The following MAGI3 variants were observed in gnomAD, a reference collection of about 807,000 sequenced individuals.
MAGI3 encodes membrane associated guanylate kinase, WW and PDZ domain containing 3, also known as membrane-associated guanylate kinase, WW and PDZ domain-containing protein 3.
MAGI3 carries 43 observed loss-of-function variants against 121.8 expected under a neutral mutation model. The ratio of observed to expected loss-of-function variants is 0.35; its 90% confidence interval spans 0.28 to 0.46. MAGI3 has a LOEUF of 0.46. Ranked by LOEUF, MAGI3 falls within the 20% of genes least tolerant of loss-of-function variation. MAGI3 has a pLI of 1.00. For missense variants in MAGI3, 1,547 were observed against 1,797.3 expected (o/e 0.86, Z 2.52); for synonymous variants, 553 against 639.3 (o/e 0.86, Z 2.04).
At chr1:113,632,907 T>A (rs1164864755) in intron 9 of MAGI3, among the ~76,000 whole-genome samples, 7 of 151,938 alleles carry the variant, frequency 4.6e-5, no homozygotes, top group South Asian at 2.1e-4. Flanking sequence ...TAGTTTTTTT[T>A]TTATTATTAT....
intron 1 of MAGI3, among the ~76,000 whole-genome samples, chr1:113,456,420 C>T (rs540635191): frequency 6.7e-4 from 102 of 152,210 alleles, no homozygotes; most frequent in African/African-American, 2.2e-3. Flanking sequence ...TACCCATATA[C>T]ATATAGAAAG....
intron 9 of MAGI3, among the ~76,000 whole-genome samples, chr1:113,631,621 A>T (rs1250254856): frequency 1.3e-5 from 2 of 152,182 alleles, no homozygotes; most frequent in Non-Finnish European, 2.9e-5. Flanking sequence ...ATTATAAAGG[A>T]TACTTTTGGA....
At chr1:113,587,713 A>T (rs1648462263) in intron 4 of MAGI3, among the ~76,000 whole-genome samples, 1 of 152,208 alleles carries the variant, frequency 6.6e-6, no homozygotes, top group Non-Finnish European at 1.5e-5. Flanking sequence ...TTATATAAAG[A>T]ACATCTTCCC....
intron 1 of MAGI3, among the ~76,000 whole-genome samples, chr1:113,466,145 C>T (rs991227921): frequency 6.6e-6 from 1 of 151,938 alleles, no homozygotes; most frequent in African/African-American, 2.4e-5. Context: ...TCATATATGG[C>T]CTTTATTATT....
At chr1:113,567,653 A>G (rs988704560) in intron 2 of MAGI3, among the ~76,000 whole-genome samples, 6 of 152,094 alleles carry the variant, frequency 3.9e-5, no homozygotes, top group East Asian at 1.9e-4. Flanking sequence ...TAACATCTCA[A>G]TACAGAAAAG....
intron 6 of MAGI3, among the ~76,000 whole-genome samples, chr1:113,600,870 A>C (rs1334710584): frequency 6.6e-6 from 1 of 152,196 alleles, no homozygotes; most frequent in African/African-American, 2.4e-5. Flanking sequence ...ACCAAAACAG[A>C]GATATAGATC....
chr1:113,450,673 C>G, intron 1 of MAGI3: 5 of 1,068,508 alleles, frequency 4.7e-6, no homozygotes, highest in Non-Finnish European at 7.2e-6. Context: ...CGGGCAGTCC[C>G]TATGGTGGTG....
chr1:113,535,125 T>C (rs1005597307), intron 1 of MAGI3, among the ~76,000 whole-genome samples: 6 of 152,196 alleles, frequency 3.9e-5, no homozygotes, highest in Non-Finnish European at 8.8e-5. Context: ...TTCCTAGTTA[T>C]GCAGCTCTGA....
At chr1:113,531,939 G>A (rs1476493306) in intron 1 of MAGI3, among the ~76,000 whole-genome samples, 15 of 152,172 alleles carry the variant, frequency 9.9e-5, no homozygotes, top group Admixed American at 9.8e-4. Flanking sequence ...TTTATACATT[G>A]GAATTTCTTA....
chr1:113,409,790 G>T (rs910077811), intron 1 of MAGI3, among the ~76,000 whole-genome samples: 10 of 152,000 alleles, frequency 6.6e-5, no homozygotes, highest in African/African-American at 2.2e-4. Flanking sequence ...TAATAGGTGG[G>T]TGTCAGGAAA....
chr1:113,676,008 T>TTCCCC (rs1222442098), intron 19 of MAGI3, among the ~76,000 whole-genome samples: 7 of 151,616 alleles, frequency 4.6e-5, no homozygotes, highest in South Asian at 4.2e-4. Flanking sequence ...TCTTGGTCCT[T>TTCCCC]TCCCCTCCCC....
chr1:113,569,032 T>C (rs1052550161), intron 2 of MAGI3, among the ~76,000 whole-genome samples: 2 of 152,152 alleles, frequency 1.3e-5, no homozygotes, highest in Non-Finnish European at 2.9e-5. Context: ...TTCCTCTACA[T>C]TTATTTCTGC....
At chr1:113,669,568 C>T (rs532555573) in intron 16 of MAGI3, among the ~76,000 whole-genome samples, 6 of 152,240 alleles carry the variant, frequency 3.9e-5, no homozygotes, top group African/African-American at 1.2e-4. Flanking sequence ...CTTGCTCTGT[C>T]GCCCAGGCTG....
intron 1 of MAGI3, among the ~76,000 whole-genome samples, chr1:113,441,204 C>T (rs182523035): frequency 6.6e-6 from 1 of 152,234 alleles, no homozygotes; most frequent in East Asian, 1.9e-4. Context: ...TGGGATTTCC[C>T]CTTTCACTCT....
At chr1:113,395,690 C>A (rs1341613552) in intron 1 of MAGI3, among the ~76,000 whole-genome samples, 1 of 151,678 alleles carries the variant, frequency 6.6e-6, no homozygotes, top group Non-Finnish European at 1.5e-5. Flanking sequence ...CACACACATA[C>A]TTTTGTTAAC....
At position 113,641,928 on chromosome 1, in the gene MAGI3, A is replaced by G; in HGVS notation, c.1378A>G (p.Ile460Val). Residue 460 changes from isoleucine (I) to valine (V), a missense_variant, in exon 10 of 21, where the codon ATC becomes GTC. Coordinates refer to ENST00000307546, the MANE Select transcript of MAGI3 (RefSeq NM_001142782.2). ...TTTTCCAGGCGATGTTATTGTAGAC[A>G]TCAATGGCAACTGTGTCCTCGGTCA... ...KIAPGDVIVD[I>V]NGNCVLGHTH... is the part of the protein sequence containing the mutation. 2 of 1,589,136 alleles carry G rather than the reference A, an allele frequency of 1.3e-6. No homozygotes were observed. Among genetic ancestry groups the G allele is most frequent in the East Asian group, 2.3e-5 (1 of 44,180 alleles).
At position 113,622,679 on chromosome 1, in the gene MAGI3, C is replaced by T. The variant is rs1570954027; in HGVS notation, c.1172-127C>T. ...ATGGACTCTGGGTTGAAAGTAAGCA[C>T]AGACAAGGCAATGAGAAAGAGATTA... is the stretch of plus-strand genomic sequence containing the variant. On this transcript the variant is annotated intron_variant, in intron 8 of 20. Transcript: ENST00000307546. 2.5e-5 allele frequency: 19 copies of T among 749,924 alleles called. No homozygotes were observed. The South Asian group carries it at 4.1e-4, about 16-fold the overall frequency. The allele number at this position is 749,924 out of a possible 1,614,324, so 46.5% of individuals were successfully genotyped here.
chr1:113,597,519 C>T (rs1649094750), intron 6 of MAGI3, among the ~76,000 whole-genome samples: 1 of 152,032 alleles, frequency 6.6e-6, no homozygotes, highest in South Asian at 2.1e-4. Flanking sequence ...ATGCACTTCA[C>T]AAAAGAAGAT....
intron 1 of MAGI3, chr1:113,403,673 A>T (rs913857373): frequency 2.6e-5 from 4 of 152,102 alleles, no homozygotes; most frequent in African/African-American, 9.7e-5. Context: ...TGGAGACTGG[A>T]TACTGACATG....
Sources: allele counts gnomAD v4.1 joint callset (sites outside exome capture counted in the v4.1 genomes callset), GRCh38; gene constraint gnomAD v4.1.1; transcripts MANE v1.5; gene names NCBI Gene and HGNC (gene_info 2026-07-23, HGNC 2026-07-21).